ZHX2: variants seen among roughly 807,000 people sequenced by gnomAD.
The protein encoded by ZHX2 is zinc fingers and homeoboxes protein 2.
Under a neutral mutation model 21.9 loss-of-function variants are expected in ZHX2, and 6 were observed. The ratio of observed to expected loss-of-function variants is 0.27; its 90% CI spans 0.15 to 0.54. ZHX2 has a LOEUF of 0.54. Among genes scored for constraint, ZHX2 ranks in the 20% least tolerant of loss-of-function variants. The pLI is 0.95. For synonymous variants in ZHX2, 434 were observed against 437.1 expected, an observed-to-expected ratio of 0.99 and a Z score of 0.09; for missense variants, 908 against 1,090.7, an observed-to-expected ratio of 0.83 and a Z score of 2.36.
intron 1 of ZHX2, among the ~76,000 whole-genome samples, chr8:122,861,380 C>G (rs1370129634): frequency 6.6e-6 from 1 of 152,188 alleles, no homozygotes; most frequent in African/African-American, 2.4e-5. Context: ...CTTATGGAAG[C>G]AAGTGCAGTA....
intron 1 of ZHX2, among the ~76,000 whole-genome samples, chr8:122,836,332 C>T (rs1818495985): frequency 1.3e-5 from 2 of 152,292 alleles, no homozygotes; most frequent in South Asian, 4.2e-4. Context: ...GATGTGCATG[C>T]ACAGAGAGGC....
chr8:122,783,295 T>C (rs181190306), intron 1 of ZHX2, among the ~76,000 whole-genome samples: 18 of 152,248 alleles, frequency 1.2e-4, no homozygotes, highest in Non-Finnish European at 2.6e-4. Flanking sequence ...TTGCTCAGCT[T>C]GGCCCCCTGG....
intron 1 of ZHX2, among the ~76,000 whole-genome samples, chr8:122,851,735 T>C (rs1253664610): frequency 6.6e-6 from 1 of 152,210 alleles, no homozygotes; most frequent in Non-Finnish European, 1.5e-5. Context: ...TACTGTAATA[T>C]CCTTATTTGC....
rs1246463444 is a variant in ZHX2, at chr8:122,781,767, TTCTGTCTG to T, written c.-453_-446del. ...CCATCGTTCTCCGTACGGGGGCTTT[TTCTGTCTG>T]TCTGTCTGGCTGGCAGGCTGGCTTT... On this transcript the variant is annotated 5_prime_UTR_variant, in exon 1 of 4. Coordinates refer to ENST00000314393, the MANE Select transcript of ZHX2 (RefSeq NM_014943.5). The surrounding 1 kb of genome is among the most constrained non-coding windows in gnomAD (Gnocchi z 4.6). 6.6e-6 allele frequency: 1 copy of T among 152,380 alleles called. No homozygotes were observed. The allele number at this position is 152,380 out of a possible 1,614,324, so 9.4% of individuals were successfully genotyped here. A position where few individuals can be genotyped will look rare whatever the true frequency, so the allele number is the denominator to read the frequency against.
At chr8:122,946,538 A>G (rs896694356) in intron 2 of ZHX2, among the ~76,000 whole-genome samples, 2 of 152,066 alleles carry the variant, frequency 1.3e-5, no homozygotes, top group Admixed American at 1.3e-4. Context: ...CTTCCAGGCC[A>G]TTTTACCACT....
At chr8:122,945,860 G>A (rs1008236662) in intron 2 of ZHX2, among the ~76,000 whole-genome samples, 8 of 152,312 alleles carry the variant, frequency 5.3e-5, no homozygotes, top group South Asian at 2.1e-4. Context: ...CCCTGAATGC[G>A]CCCGGTCTCG....
At chr8:122,833,604 C>G (rs1016858333) in intron 1 of ZHX2, among the ~76,000 whole-genome samples, 103 of 152,092 alleles carry the variant, frequency 6.8e-4, no homozygotes, top group African/African-American at 2.4e-3. Flanking sequence ...TGGGTTGATG[C>G]GTTGGGTACT....
Position 122,953,632 on chromosome 8 carries a change from G to T in ZHX2, c.2122G>T (p.Val708Leu). 1.2e-6 allele frequency: 2 copies of T among 1,614,200 alleles called. No individual in the cohort carries two copies. Among genetic ancestry groups the T allele is most frequent in the Non-Finnish European group, 8.5e-7 (1 of 1,180,040 alleles). ...PMADDHGYDAVARKATKPMAE... is the reference protein window; with the variant it reads ...PMADDHGYDALARKATKPMAE... Reference sequence around the variant, plus strand: ...GGCAGATGATCACGGCTACGATGCCGTAGCAAGGAAAGCAACAAAACCCAT... The same window carrying T: ...GGCAGATGATCACGGCTACGATGCCTTAGCAAGGAAAGCAACAAAACCCAT... The change falls in exon 3 of 4, where the codon GTA becomes TTA. Residue 708 changes from valine to leucine, a missense_variant. This residue lies in a region of ZHX2 where 431 missense variants were observed against 428.6 expected (regional missense o/e 1.01). Transcript: ENST00000314393. This position sits in a 1 kb window ranked among gnomAD's most constrained non-coding sequence, Gnocchi z 4.6.
At chr8:122,891,595 T>C (rs1399866499) in intron 2 of ZHX2, among the ~76,000 whole-genome samples, 1 of 152,230 alleles carries the variant, frequency 6.6e-6, no homozygotes, top group East Asian at 1.9e-4. Flanking sequence ...CTGCTTTTGC[T>C]GTATCCCATA....
At chr8:122,945,944 G>A (rs887369156) in intron 2 of ZHX2, among the ~76,000 whole-genome samples, 6 of 152,148 alleles carry the variant, frequency 3.9e-5, no homozygotes, top group African/African-American at 1.4e-4. Context: ...GCCCAAGGGA[G>A]AACTCCCTGC....
chr8:122,781,006 C>T (rs1817267301), upstream of ZHX2: 1 of 152,244 alleles, frequency 6.6e-6, no homozygotes, highest in African/African-American at 2.4e-5. This position sits in a 1 kb window ranked among gnomAD's most constrained non-coding sequence, Gnocchi z 4.6. Flanking sequence ...GTGGGGGGCT[C>T]CTTCTTCCCC....
In ZHX2 at chr8:122,846,590, C is replaced by T. The variant is rs185034694; in HGVS notation, c.-282-16887C>T. ...TTTTGCCAGTCTCCATGGGATCTTT[C>T]CTCTGCTCATGTTTGAAAGTGATTC... On this transcript the variant is annotated intron_variant, in intron 1 of 3. Transcript: ENST00000314393. Among the ~76,000 whole-genome samples, 727 of 135,852 alleles carry T rather than the reference C, an allele frequency of 5.4e-3. 3 individuals are homozygous for T. The highest frequency in any genetic ancestry group is 0.032 in the Middle Eastern group (8 of 252). 89.1% of individuals were successfully genotyped at this position (135,852 alleles called of 152,430 possible).
chr8:122,932,385 C>G (rs1821015909), intron 2 of ZHX2, among the ~76,000 whole-genome samples: 2 of 152,222 alleles, frequency 1.3e-5, no homozygotes, highest in Non-Finnish European at 2.9e-5. Flanking sequence ...GGCGGGCCGG[C>G]TCCTTCTGGA....
rs1431898189 is a variant in ZHX2 at position 122,910,654 on chromosome 8, T to G, written c.-219-40638T>G. ...CATACTCCCTCAGGCACGGGGTTAC[T>G]GGTGGGGCAGTACGGACCAACCCTC... On this transcript the variant is annotated intron_variant, in intron 2 of 3. Transcript: ENST00000314393. Among the ~76,000 whole-genome samples the G allele has an allele frequency of 2.6e-5, 4 of 152,162 alleles. No homozygotes were observed. The East Asian group carries it at 7.8e-4, about 30-fold the overall frequency.
At chr8:122,891,236 G>A (rs1206993014) in intron 2 of ZHX2, among the ~76,000 whole-genome samples, 3 of 146,800 alleles carry the variant, frequency 2.0e-5, no homozygotes, top group Non-Finnish European at 4.5e-5. Flanking sequence ...ATCTATTCAA[G>A]TTTTCTATTT....
At chr8:122,847,223 T>C (rs1327573909) in intron 1 of ZHX2, among the ~76,000 whole-genome samples, 2 of 152,156 alleles carry the variant, frequency 1.3e-5, no homozygotes, top group East Asian at 3.9e-4. Flanking sequence ...TCTTCCGTCC[T>C]CTGTGTGAGC....
intron 1 of ZHX2, among the ~76,000 whole-genome samples, chr8:122,847,828 C>G (rs115136650): frequency 8.3e-4 from 127 of 152,342 alleles, no homozygotes; most frequent in African/African-American, 2.9e-3. Context: ...CTGAAGGTGG[C>G]TGCAGTCACG....
At chr8:122,804,490 A>G (rs1378475190) in intron 1 of ZHX2, among the ~76,000 whole-genome samples, 2 of 152,194 alleles carry the variant, frequency 1.3e-5, no homozygotes, top group Non-Finnish European at 2.9e-5. Flanking sequence ...CTGGGGAGGC[A>G]AGGATAAGGA....
chr8:122,836,657 A>T (rs1175894025), intron 1 of ZHX2, among the ~76,000 whole-genome samples: 1 of 152,194 alleles, frequency 6.6e-6, no homozygotes, highest in East Asian at 1.9e-4. Flanking sequence ...GTCTGACGTA[A>T]CTGCTACGTT....
Sources: allele counts gnomAD v4.1 joint callset (sites outside exome capture counted in the v4.1 genomes callset), GRCh38; gene constraint gnomAD v4.1.1; regional missense constraint gnomAD v4.1.1; non-coding constraint Gnocchi (gnomAD v3.1); transcripts MANE v1.5; gene names NCBI Gene and HGNC (gene_info 2026-07-23, HGNC 2026-07-21).